Variants in DNMT3B observed in about 807,000 individuals in gnomAD.
The protein encoded by DNMT3B is DNA (cytosine-5)-methyltransferase 3B.
Under a neutral mutation model 120.2 loss-of-function variants are expected in DNMT3B, and 37 were observed. The observed-to-expected ratio is 0.31, with a 90% CI of 0.24 to 0.40. The LOEUF (loss-of-function observed/expected upper bound fraction) is 0.40, where lower values mean the gene tolerates loss of function less well. DNMT3B is among the 10% of genes least tolerant of loss of function. The pLI is 1.00. For missense variants in DNMT3B, 878 were observed against 1,137.3 expected (o/e 0.77, Z 3.28); for synonymous variants, 412 against 442.8 (o/e 0.93, Z 0.87).
At chr20:32,803,203 G>C (rs1338927177) in intron 20 of DNMT3B, among the ~76,000 whole-genome samples, 2 of 152,224 alleles carry the variant, frequency 1.3e-5, no homozygotes, top group African/African-American at 4.8e-5. Context: ...AAGCAGCTTT[G>C]CTGAGGATTA....
At chr20:32,785,271 C>T (rs913516107) in intron 4 of DNMT3B, among the ~76,000 whole-genome samples, 1 of 152,160 alleles carries the variant, frequency 6.6e-6, no homozygotes, top group Non-Finnish European at 1.5e-5. Context: ...AACTCTTGAC[C>T]TCAGGTGATC....
chr20:32,768,813 A>G (rs112577563), intron 1 of DNMT3B, among the ~76,000 whole-genome samples: 4 of 152,042 alleles, frequency 2.6e-5, no homozygotes, highest in African/African-American at 7.2e-5. Context: ...CAGGCAAGCC[A>G]TTTTCTCTGA....
chr20:32,799,591 C>T (rs555987508), intron 16 of DNMT3B, among the ~76,000 whole-genome samples: 3 of 152,180 alleles, frequency 2.0e-5, no homozygotes, highest in Non-Finnish European at 4.4e-5. Flanking sequence ...GTGATCTGTG[C>T]TCACTGCAGC....
At chr20:32,800,325 C>T (rs372880769) in intron 17 of DNMT3B, 27 bp downstream of exon 17, 11 of 1,613,594 alleles carry the variant, frequency 6.8e-6, no homozygotes, top group African/African-American at 6.7e-5. Flanking sequence ...CCTTGCGGGC[C>T]TCATCTCTTC....
chr20:32,781,284 A>G (rs1437804833), intron 2 of DNMT3B, 69 bp from the exon 3 acceptor site: 5 of 1,568,674 alleles, frequency 3.2e-6, no homozygotes, highest in South Asian at 1.1e-5. Context: ...AAAAGCCCCT[A>G]TTAGCAAGGC....
chr20:32,782,921 GT>G (rs1978798799), intron 3 of DNMT3B, among the ~76,000 whole-genome samples: 2 of 152,150 alleles, frequency 1.3e-5, no homozygotes, highest in Non-Finnish European at 1.5e-5. Context: ...AATGAAATGG[GT>G]ATTTTTTTTT....
chr20:32,767,863 TTAG>T (rs1987479704), intron 1 of DNMT3B, among the ~76,000 whole-genome samples: 2 of 152,206 alleles, frequency 1.3e-5, no homozygotes, highest in Middle Eastern at 3.2e-3. Flanking sequence ...GGCCTCTCTC[TTAG>T]TAGGCTTTTC....
intron 12 of DNMT3B, among the ~76,000 whole-genome samples, chr20:32,796,402 C>G (rs750070517): frequency 6.6e-6 from 1 of 152,170 alleles, no homozygotes; most frequent in Non-Finnish European, 1.5e-5. Context: ...GAAATTACAG[C>G]CATTTGCTGT....
chr20:32,790,281 G>T (rs1979824970), intron 7 of DNMT3B, among the ~76,000 whole-genome samples: 1 of 152,248 alleles, frequency 6.6e-6, no homozygotes, highest in African/African-American at 2.4e-5. Context: ...CCAGGGATGG[G>T]AGAGCAGTAA....
chr20:32,775,619 T>A (rs977592547), intron 1 of DNMT3B, among the ~76,000 whole-genome samples: 9 of 152,212 alleles, frequency 5.9e-5, no homozygotes, highest in African/African-American at 2.2e-4. Flanking sequence ...AATCACACGC[T>A]GGACCCCAGC....
chr20:32,785,912 C>A (rs1979220011), intron 4 of DNMT3B, among the ~76,000 whole-genome samples: 1 of 150,480 alleles, frequency 6.6e-6, no homozygotes, highest in Non-Finnish European at 1.5e-5. Context: ...GAGATGCAGT[C>A]TCACTGTGTT....
At chr20:32,806,476 C>T (rs571134236) in intron 22 of DNMT3B, 149 bp downstream of exon 22, 7 of 808,818 alleles carry the variant, frequency 8.7e-6, no homozygotes, top group Non-Finnish European at 1.4e-5. Context: ...CATAGTTCGC[C>T]CTTATTTCCT....
At chr20:32,798,324 C>A in intron 14 of DNMT3B, 136 bp from the exon 15 acceptor site, 2 of 1,099,970 alleles carry the variant, frequency 1.8e-6, no homozygotes, top group Non-Finnish European at 2.7e-6. Flanking sequence ...CAGGGCCCCG[C>A]AGGCTATGCT....
At chr20:32,780,079 G>C in intron 1 of DNMT3B, 1 of 1,610,332 alleles carries the variant, frequency 6.2e-7, no homozygotes, top group Non-Finnish European at 8.5e-7. Context: ...CTCTGTCCTG[G>C]GTGCTGGCGT....
chr20:32,796,905 C>T, intron 13 of DNMT3B, 36 bp downstream of exon 13: 1 of 1,614,154 alleles, frequency 6.2e-7, no homozygotes, highest in Non-Finnish European at 8.5e-7. Context: ...ACCTTCCTCC[C>T]CTTGCCTCCT....
chr20:32,787,893 A>G (rs926998915), intron 6 of DNMT3B, among the ~76,000 whole-genome samples: 1 of 151,998 alleles, frequency 6.6e-6, no homozygotes, highest in Admixed American at 6.6e-5. Context: ...AGGTAAAGGA[A>G]AATTACAGTC....
chr20:32,799,967 C>T (rs1048637135), intron 16 of DNMT3B, among the ~76,000 whole-genome samples, 186 bp from the exon 17 acceptor site: 1 of 152,186 alleles, frequency 6.6e-6, no homozygotes, highest in South Asian at 2.1e-4. Flanking sequence ...GTTTTGGTTC[C>T]CTTCTTTTCC....
At chr20:32,806,084 C>T (rs1981947385) in intron 21 of DNMT3B, 125 bp from the exon 22 acceptor site, 4 of 899,920 alleles carry the variant, frequency 4.4e-6, no homozygotes, top group Non-Finnish European at 7.5e-6. Flanking sequence ...ACTTTTCTCT[C>T]CCAGCCCTGC....
At chr20:32,803,399 G>T (rs745965740) in intron 20 of DNMT3B, among the ~76,000 whole-genome samples, 25 of 152,154 alleles carry the variant, frequency 1.6e-4, no homozygotes, top group Non-Finnish European at 3.5e-4. Flanking sequence ...AGGGTCCTGG[G>T]GTAGCTTGGA....
Sources: allele counts gnomAD v4.1 joint callset (sites outside exome capture counted in the v4.1 genomes callset), GRCh38; gene constraint gnomAD v4.1.1; transcripts MANE v1.5; gene names NCBI Gene and HGNC (gene_info 2026-07-23, HGNC 2026-07-21).